Variants in CNTLN observed in about 807,000 individuals in gnomAD.
CNTLN encodes the protein centlein.
A neutral mutation model predicts 180.0 loss-of-function variants in CNTLN; 212 were observed. The observed-to-expected ratio is 1.18, with a 90% CI of 1.05 to 1.32. The LOEUF is 1.32. CNTLN is among the 40% of genes most tolerant of loss of function. The pLI, the probability that CNTLN is intolerant of heterozygous loss-of-function variation, is 0.00. For missense variants in CNTLN, 2,095 were observed against 1,610.9 expected (o/e 1.30, Z -5.14); for synonymous variants, 722 against 563.1 (o/e 1.28, Z -3.99).
At chr9:17,408,550 C>T (rs1202945147) in intron 15 of CNTLN, among the ~76,000 whole-genome samples, 1 of 151,904 alleles carries the variant, frequency 6.6e-6, no homozygotes, top group Non-Finnish European at 1.5e-5. Flanking sequence ...GCCTGTAATC[C>T]CAGCACTTTG....
chr9:17,509,089 A>G, the CNTLN span, among the ~76,000 whole-genome samples: 16 of 152,198 alleles, frequency 1.1e-4, no homozygotes, highest in Non-Finnish European at 1.3e-4. Flanking sequence ...GTCTTTGCCC[A>G]GTGGGCTTCT....
chr9:17,347,967 G>A (rs1483150835), intron 12 of CNTLN, among the ~76,000 whole-genome samples: 2 of 152,002 alleles, frequency 1.3e-5, no homozygotes, highest in Non-Finnish European at 2.9e-5. Context: ...GAGTAGCTGG[G>A]GCTATAGATG....
At chr9:17,469,731 A>C (rs1193905564) in intron 23 of CNTLN, among the ~76,000 whole-genome samples, 1 of 151,718 alleles carries the variant, frequency 6.6e-6, no homozygotes, top group African/African-American at 2.4e-5. Flanking sequence ...TTTCACCCAA[A>C]ATGCCTTCCC....
At chr9:17,262,900 C>G (rs13292380) in intron 5 of CNTLN, among the ~76,000 whole-genome samples, 34,548 of 150,758 alleles carry the variant, frequency 0.23, 4,514 homozygotes, top group South Asian at 0.36. Flanking sequence ...CCTAGTTTGT[C>G]GAGAGTTTTT....
chr9:17,411,761 A>T (rs1250252166), intron 16 of CNTLN, among the ~76,000 whole-genome samples: 1 of 152,116 alleles, frequency 6.6e-6, no homozygotes, highest in Admixed American at 6.5e-5. Flanking sequence ...GAACAGTTTC[A>T]TCCCGAAACC....
chr9:17,376,601 A>G (rs1211483452), intron 13 of CNTLN, among the ~76,000 whole-genome samples: 3 of 151,746 alleles, frequency 2.0e-5, no homozygotes, highest in South Asian at 2.1e-4. Context: ...GCAGGCGCCC[A>G]CCACCTTGCC....
intron 12 of CNTLN, among the ~76,000 whole-genome samples, chr9:17,352,095 A>G (rs1018305287): frequency 2.0e-4 from 31 of 152,186 alleles, no homozygotes; most frequent in Non-Finnish European, 4.4e-5. Flanking sequence ...ATTTCATAGA[A>G]GTAGGAAATT....
chr9:17,298,634 AC>A, intron 7 of CNTLN: 1 of 1,052,694 alleles, frequency 9.5e-7, no homozygotes, highest in African/African-American at 1.7e-5. Flanking sequence ...TGTGAAACAT[AC>A]TAGGAGTATA....
chr9:17,464,712 A>T, intron 21 of CNTLN, 89 bp downstream of exon 21: 1 of 794,222 alleles, frequency 1.3e-6, no homozygotes, highest in Non-Finnish European at 1.9e-6. Context: ...TAATAAATGT[A>T]TAGAAAATAT....
At chr9:17,346,226 C>G (rs1300286908) in intron 12 of CNTLN, among the ~76,000 whole-genome samples, 2 of 152,036 alleles carry the variant, frequency 1.3e-5, no homozygotes, top group African/African-American at 4.8e-5. Flanking sequence ...ACCATCAGAT[C>G]TCACTAGCAT....
intron 2 of CNTLN, among the ~76,000 whole-genome samples, chr9:17,207,638 C>A (rs1054916498): frequency 6.6e-6 from 1 of 152,216 alleles, no homozygotes; most frequent in South Asian, 2.1e-4. Context: ...CGGTACCCCA[C>A]CCTGCTTCTG....
chr9:17,246,299 C>G (rs546161393), intron 5 of CNTLN, among the ~76,000 whole-genome samples: 1 of 152,292 alleles, frequency 6.6e-6, no homozygotes, highest in South Asian at 2.1e-4. Flanking sequence ...CTTGTAGACT[C>G]ATAGAAATAC....
At chr9:17,441,385 C>A (rs939121715) in intron 18 of CNTLN, among the ~76,000 whole-genome samples, 24 of 151,866 alleles carry the variant, frequency 1.6e-4, no homozygotes, top group African/African-American at 5.8e-4. Flanking sequence ...ATAATGAATA[C>A]ATAATATAAA....
chr9:17,429,476 G>C (rs1829285392), intron 18 of CNTLN, among the ~76,000 whole-genome samples: 1 of 151,970 alleles, frequency 6.6e-6, no homozygotes, highest in African/African-American at 2.4e-5. Context: ...TATAAATAAA[G>C]TATTTGAGTA....
chr9:17,372,389 C>G (rs1490811843), intron 13 of CNTLN, among the ~76,000 whole-genome samples: 1 of 152,054 alleles, frequency 6.6e-6, no homozygotes, highest in Non-Finnish European at 1.5e-5. Context: ...TGGATAAATT[C>G]TTATACACAT....
intron 2 of CNTLN, among the ~76,000 whole-genome samples, chr9:17,214,524 TTATG>T (rs1469392847): frequency 6.6e-6 from 1 of 152,162 alleles, no homozygotes; most frequent in Non-Finnish European, 1.5e-5. Flanking sequence ...AATCTGACAA[TTATG>T]TGTCTTGGAG....
chr9:17,221,140 C>T (rs1006347055), intron 2 of CNTLN, among the ~76,000 whole-genome samples: 4 of 151,982 alleles, frequency 2.6e-5, no homozygotes, highest in African/African-American at 7.2e-5. Context: ...AATGTATATA[C>T]CTCTAATAGA....
At chr9:17,327,137 T>C (rs1204721700) in intron 8 of CNTLN, among the ~76,000 whole-genome samples, 2 of 149,368 alleles carry the variant, frequency 1.3e-5, no homozygotes, top group Non-Finnish European at 3.0e-5. Flanking sequence ...TTTCTTTACA[T>C]AAAAAAACTG....
intron 13 of CNTLN, among the ~76,000 whole-genome samples, chr9:17,386,182 C>A (rs1018762484): frequency 1.3e-5 from 2 of 150,802 alleles, no homozygotes; most frequent in African/African-American, 4.9e-5. Flanking sequence ...AAAAAAGAAT[C>A]TAAAAGAATA....
Sources: allele counts gnomAD v4.1 joint callset (sites outside exome capture counted in the v4.1 genomes callset), GRCh38; gene constraint gnomAD v4.1.1; transcripts MANE v1.5; gene names NCBI Gene and HGNC (gene_info 2026-07-23, HGNC 2026-07-21).